Variants in PCDHA3 observed in about 807,000 individuals in gnomAD.
The protein encoded by PCDHA3 is protocadherin alpha 3.
A neutral mutation model predicts 62.2 loss-of-function variants in PCDHA3; 41 were observed. The observed-to-expected ratio is 0.66, with a 90% CI of 0.51 to 0.86. The LOEUF is 0.86. Ranked by LOEUF, PCDHA3 falls within the 40% of genes least tolerant of loss-of-function variation. PCDHA3 has a pLI of 0.00. For synonymous variants in PCDHA3, 640 were observed against 555.4 expected (o/e 1.15, Z -2.14); for missense variants, 1,304 against 1,241.2 (o/e 1.05, Z -0.76).
intron 1 of PCDHA3, among the ~76,000 whole-genome samples, chr5:140,955,431 AG>A (rs1273972601): frequency 1.3e-5 from 2 of 152,194 alleles, no homozygotes; most frequent in East Asian, 3.9e-4. Flanking sequence ...AGTTCTCATT[AG>A]GTCTGATGGT....
chr5:140,853,497 T>C lies in PCDHA3; in HGVS notation c.2394+49906T>C, dbSNP rs1479086696. On this transcript the variant is annotated intron_variant, in intron 1 of 3. Coordinates refer to ENST00000522353, the MANE Select transcript of PCDHA3 (RefSeq NM_018906.3). Reference sequence around the variant, plus strand: ...TAACATTCCTCAATTCAAGTTAGAATCATGAAACAATAATGAAGCTCCTCC... The same window carrying C: ...TAACATTCCTCAATTCAAGTTAGAACCATGAAACAATAATGAAGCTCCTCC... The C allele has an allele frequency of 3.6e-5, 35 of 975,892 alleles. 4 individuals are homozygous for C. The highest frequency in any genetic ancestry group is 4.2e-5 in the Non-Finnish European group (34 of 808,754). The allele number at this position is 975,892 out of a possible 1,614,324, so 60.5% of individuals were successfully genotyped here.
At chr5:140,955,381 T>TG (rs782287731) in intron 1 of PCDHA3, among the ~76,000 whole-genome samples, 4 of 152,136 alleles carry the variant, frequency 2.6e-5, no homozygotes, top group Non-Finnish European at 5.9e-5. Context: ...AATTGAATCA[T>TG]GGGGGCAATT....
intron 1 of PCDHA3, chr5:140,864,038 C>T (rs541763378): frequency 1.2e-4 from 19 of 153,004 alleles, no homozygotes; most frequent in African/African-American, 4.6e-4. Context: ...CCATCTTAAT[C>T]ACTTTTTACT....
chr5:140,928,122 A>G (rs1554205517), intron 1 of PCDHA3: 14 of 1,614,078 alleles, frequency 8.7e-6, no homozygotes, highest in Non-Finnish European at 1.2e-5. Context: ...AGATCAGTGA[A>G]TACCAAGTCC....
chr5:140,927,275 A>G, intron 1 of PCDHA3: 1 of 1,614,124 alleles, frequency 6.2e-7, no homozygotes, highest in Non-Finnish European at 8.5e-7. Flanking sequence ...CCTGCCGGCG[A>G]CGTGCAGCTG....
At chr5:140,809,777 C>T (rs74789742) in intron 1 of PCDHA3, 2 of 524,128 alleles carry the variant, frequency 3.8e-6, no homozygotes, top group Non-Finnish European at 6.5e-6. Flanking sequence ...TTATTCAATG[C>T]ATATTAACAG....
At chr5:140,842,020 G>A in intron 1 of PCDHA3, 1 of 1,613,768 alleles carries the variant, frequency 6.2e-7, no homozygotes, top group South Asian at 1.1e-5. Flanking sequence ...TCACAGTGCT[G>A]GATGTGAATG....
chr5:140,846,705 G>C (rs1780632800), intron 1 of PCDHA3, among the ~76,000 whole-genome samples: 1 of 149,364 alleles, frequency 6.7e-6, no homozygotes, highest in Admixed American at 6.7e-5. Context: ...AGAGAAGATT[G>C]TAATAACCAG....
At chr5:140,977,141 C>T (rs1264237183) in intron 1 of PCDHA3, among the ~76,000 whole-genome samples, 1 of 152,204 alleles carries the variant, frequency 6.6e-6, no homozygotes, top group Non-Finnish European at 1.5e-5. Flanking sequence ...GTCAGTCCTG[C>T]TGGAACTGTG....
At chr5:140,823,662 G>T in intron 1 of PCDHA3, 1 of 1,614,064 alleles carries the variant, frequency 6.2e-7, no homozygotes, top group Non-Finnish European at 8.5e-7. Context: ...ACACAGGCGA[G>T]ATCAGCACAA....
chr5:140,875,556 C>A (rs781896642), intron 1 of PCDHA3: 2 of 1,614,010 alleles, frequency 1.2e-6, no homozygotes, highest in Non-Finnish European at 1.7e-6. Context: ...AGGTGGGGAG[C>A]GGCCAGCTCC....
At chr5:140,957,289 C>T (rs1235564629) in intron 1 of PCDHA3, among the ~76,000 whole-genome samples, 1 of 152,162 alleles carries the variant, frequency 6.6e-6, no homozygotes, top group Non-Finnish European at 1.5e-5. Context: ...CCTGCAGTTT[C>T]ACTCTGAGCA....
At chr5:140,910,679 A>G (rs1554194364) in intron 1 of PCDHA3, among the ~76,000 whole-genome samples, 1 of 152,208 alleles carries the variant, frequency 6.6e-6, no homozygotes, top group East Asian at 1.9e-4. Context: ...AAGGGAGATC[A>G]GGCATTTCCA....
chr5:140,912,900 T>A (rs979059809), intron 1 of PCDHA3, among the ~76,000 whole-genome samples: 1 of 152,264 alleles, frequency 6.6e-6, no homozygotes, highest in Non-Finnish European at 1.5e-5. Context: ...ATATGATGTA[T>A]CATATTGATT....
intron 1 of PCDHA3, among the ~76,000 whole-genome samples, chr5:140,855,675 G>T (rs1554147907): frequency 6.7e-6 from 1 of 149,648 alleles, no homozygotes; most frequent in African/African-American, 2.5e-5. Context: ...TACTCTGAGA[G>T]TCTACATTTA....
chr5:140,835,973 G>A lies in PCDHA3; in HGVS notation c.2394+32382G>A, dbSNP rs2150249299. On this transcript the variant is annotated intron_variant, in intron 1 of 3. Coordinates refer to ENST00000522353, the MANE Select transcript of PCDHA3 (RefSeq NM_018906.3). ...CGTTGGACCACGAGGAGCTGGAGCT[G>A]TTGCAGTTCCAGGTGAGCGCGCGCG... 16 of 1,613,272 alleles carry A rather than the reference G, an allele frequency of 9.9e-6. No homozygotes were observed. The African/African-American group carries it at 2.0e-4, about 20-fold the overall frequency.
chr5:140,892,658 A>G (rs1202553509), intron 1 of PCDHA3, among the ~76,000 whole-genome samples: 4 of 152,202 alleles, frequency 2.6e-5, no homozygotes, highest in African/African-American at 9.7e-5. Context: ...ATACAGAGTG[A>G]CATTTTGATA....
At chr5:140,865,724 G>T (rs1334768794) in intron 1 of PCDHA3, 1 of 152,164 alleles carries the variant, frequency 6.6e-6, no homozygotes, top group African/African-American at 2.4e-5. Flanking sequence ...GAGAAGCTGA[G>T]ATGTGTATCT....
chr5:140,845,017 A>T lies in PCDHA3; in HGVS notation c.2394+41426A>T, dbSNP rs1779662524. On this transcript the variant is annotated intron_variant, in intron 1 of 3. Transcript: ENST00000522353. ...TCACTTATGAACAAATAATGTAATC[A>T]TTTATGGGCATATTTTAGCCCCCTT... Among the ~76,000 whole-genome samples, 2 of 149,310 alleles carry T rather than the reference A, an allele frequency of 1.3e-5. 1 individual carries two copies. The highest frequency in any genetic ancestry group is 3.0e-5 in the Non-Finnish European group (2 of 66,738).
Sources: gnomAD v4.1 joint callset for allele counts (sites outside exome capture counted in the v4.1 genomes callset) on GRCh38, gnomAD v4.1.1 for gene constraint, MANE v1.5 for transcripts, NCBI Gene and HGNC (gene_info 2026-07-23, HGNC 2026-07-21) for gene names.